The following LRRC28 variants were observed in gnomAD, a reference collection of about 807,000 sequenced individuals.
LRRC28 encodes the protein leucine rich repeat containing 28, also known as leucine-rich repeat-containing protein 28.
Under a neutral mutation model 45.7 loss-of-function variants are expected in LRRC28, and 39 were observed. The observed-to-expected ratio is 0.85, with a 90% CI of 0.66 to 1.12. The LOEUF is 1.12. Among genes scored for constraint, LRRC28 ranks in the 50% most tolerant of loss-of-function variants. The probability of loss-of-function intolerance (pLI) is 0.00; values close to 1 mark genes in which losing one functional copy is unlikely to be tolerated. For missense variants in LRRC28, 435 were observed against 438.5 expected (o/e 0.99, Z 0.07); for synonymous variants, 206 against 178.8 (o/e 1.15, Z -1.22).
intron 9 of LRRC28, among the ~76,000 whole-genome samples, chr15:99,381,884 C>A (rs1318281739): frequency 6.6e-6 from 1 of 152,248 alleles, no homozygotes; most frequent in Non-Finnish European, 1.5e-5. Context: ...CTGATTGTTC[C>A]TCTGGAAGCT....
intron 6 of LRRC28, among the ~76,000 whole-genome samples, chr15:99,347,470 G>T (rs962338334): frequency 6.6e-6 from 1 of 152,182 alleles, no homozygotes; most frequent in Non-Finnish European, 1.5e-5. Flanking sequence ...GCCTCCCAAA[G>T]TGCTGGGATT....
At position 99,387,103 on chromosome 15, in the gene LRRC28, C is replaced by CA. The variant is rs1159232676; in HGVS notation, c.*1002dup. 2 of 151,620 alleles carry CA rather than the reference C, an allele frequency of 1.3e-5. No individual in the cohort carries two copies. The highest frequency in any genetic ancestry group is 2.4e-5 in the African/African-American group (1 of 41,196). 9.4% of individuals were successfully genotyped at this position (151,620 alleles called of 1,614,324 possible). ...TGAGACGGAGTCTCGCTCTGTCGCC[C>CA]AGGCTGGAGTGCAGTGGCGGGATCT... On this transcript the variant is annotated 3_prime_UTR_variant, in exon 10 of 10. Coordinates refer to ENST00000301981, the MANE Select transcript of LRRC28 (RefSeq NM_144598.5).
rs1218872110 is a variant in LRRC28 at position 99,387,535 on chromosome 15, CAAAAGTCCATAAACA to C, written c.*1434_*1448del. 6 of 152,314 alleles carry C rather than the reference CAAAAGTCCATAAACA, an allele frequency of 3.9e-5. No homozygotes were observed. The highest frequency in any genetic ancestry group is 1.4e-4 in the African/African-American group (6 of 41,566). The allele number at this position is 152,314 out of a possible 1,614,324, so 9.4% of individuals were successfully genotyped here. A position where few individuals can be genotyped will look rare whatever the true frequency, so the allele number is the denominator to read the frequency against. On this transcript the variant is annotated 3_prime_UTR_variant, in exon 10 of 10. Transcript: ENST00000301981. ...GTCCAAATTCAGCCTTCGACTTCTG[CAAAAGTCCATAAACA>C]GAAAGTCTGTGAGCCTCCACCCTGC...
intron 5 of LRRC28, among the ~76,000 whole-genome samples, chr15:99,312,775 T>C (rs981206053): frequency 6.6e-6 from 1 of 152,166 alleles, no homozygotes; most frequent in African/African-American, 2.4e-5. Context: ...TACATTATAA[T>C]TGTATGGGAC....
chr15:99,282,565 C>T (rs979633524), intron 3 of LRRC28, among the ~76,000 whole-genome samples: 6 of 152,096 alleles, frequency 3.9e-5, no homozygotes, highest in African/African-American at 9.7e-5. Context: ...ACAAATACAT[C>T]GTGTATCAGT....
In LRRC28 at chr15:99,387,006, T is replaced by G. The variant is rs1206524754; in HGVS notation, c.*904T>G. ...GATGGGTTTATGATTCAGTTTATAC[T>G]GACTTTGAAATATTTTTGTCACATG... is the stretch of plus-strand genomic sequence containing the variant. On this transcript the variant is annotated 3_prime_UTR_variant, in exon 10 of 10. Transcript: ENST00000301981. 1 of 152,180 alleles carries G rather than the reference T, an allele frequency of 6.6e-6. No individual in the cohort carries two copies. Among genetic ancestry groups the G allele is most frequent in the Non-Finnish European group, 1.5e-5 (1 of 68,030 alleles). The allele number at this position is 152,180 out of a possible 1,614,324, so 9.4% of individuals were successfully genotyped here.
At chr15:99,307,741 C>A (rs1955239684) in intron 5 of LRRC28, among the ~76,000 whole-genome samples, 1 of 152,144 alleles carries the variant, frequency 6.6e-6, no homozygotes, top group Non-Finnish European at 1.5e-5. Flanking sequence ...TCCTGACTTC[C>A]AACACTCATC....
intron 6 of LRRC28, among the ~76,000 whole-genome samples, chr15:99,339,768 T>G (rs1226963104): frequency 1.3e-5 from 2 of 150,894 alleles, no homozygotes; most frequent in Admixed American, 6.6e-5. Context: ...GCACAGGACA[T>G]TGAGATTTAC....
chr15:99,354,994 G>T (rs189620473), intron 7 of LRRC28, among the ~76,000 whole-genome samples: 1 of 152,156 alleles, frequency 6.6e-6, no homozygotes, highest in African/African-American at 2.4e-5. Context: ...AGATATATAC[G>T]TATTTATCTC....
chr15:99,382,055 AG>A (rs1006879502), intron 9 of LRRC28, among the ~76,000 whole-genome samples: 1 of 152,202 alleles, frequency 6.6e-6, no homozygotes, highest in Non-Finnish European at 1.5e-5. Flanking sequence ...CTCACTTCAA[AG>A]CTGTCAGACA....
In LRRC28 at chr15:99,389,624, C is replaced by G. The variant is rs1958125772; in HGVS notation, c.*3522C>G. 6.6e-6 allele frequency: 1 copy of G among 152,164 alleles called. No homozygotes were observed. Among genetic ancestry groups the G allele is most frequent in the African/African-American group, 2.4e-5 (1 of 41,436 alleles). 9.4% of individuals were successfully genotyped at this position (152,164 alleles called of 1,614,324 possible). On this transcript the variant is annotated 3_prime_UTR_variant, in exon 10 of 10. Transcript: ENST00000301981. ...TTTCACAGACTCATAAACACACTCT[C>G]TTTAAGACTCTTCTTTAAATGGATC...
chr15:99,314,551 C>T (rs1955527884), intron 5 of LRRC28, among the ~76,000 whole-genome samples: 1 of 152,180 alleles, frequency 6.6e-6, no homozygotes, highest in Non-Finnish European at 1.5e-5. Context: ...TTTATCATCT[C>T]TGATTCTCTG....
chr15:99,347,310 C>T (rs908315057), intron 6 of LRRC28, among the ~76,000 whole-genome samples: 3 of 151,878 alleles, frequency 2.0e-5, no homozygotes, highest in Non-Finnish European at 4.4e-5. Flanking sequence ...CCCGGGTTCA[C>T]GCCCTTCTCT....
At chr15:99,288,572 G>A (rs1377810020) in intron 5 of LRRC28, among the ~76,000 whole-genome samples, 2 of 151,798 alleles carry the variant, frequency 1.3e-5, no homozygotes, top group Non-Finnish European at 2.9e-5. Context: ...GGTAGAGATA[G>A]GGTTTCACCA....
chr15:99,352,154 A>G (rs928124752), intron 6 of LRRC28, among the ~76,000 whole-genome samples: 2 of 152,162 alleles, frequency 1.3e-5, no homozygotes, highest in African/African-American at 2.4e-5. Context: ...AGGTTTAGGA[A>G]CCTGACTAAA....
intron 5 of LRRC28, among the ~76,000 whole-genome samples, chr15:99,306,980 G>A (rs1036705335): frequency 1.3e-5 from 2 of 152,186 alleles, no homozygotes; most frequent in Non-Finnish European, 2.9e-5. Context: ...GGATTAGCCT[G>A]CTGCTTTTCT....
Position 99,380,214 on chromosome 15 carries a change from G to A in LRRC28, c.1032-5816G>A, listed in dbSNP as rs145782616. Reference sequence around the variant, plus strand: ...TGTAAGTACTTGCTTTATGAATCTGGGTGCTCCTGTTGTGGGTGCATATAT... The same window carrying A: ...TGTAAGTACTTGCTTTATGAATCTGAGTGCTCCTGTTGTGGGTGCATATAT... On this transcript the variant is annotated intron_variant, in intron 9 of 9. Transcript: ENST00000301981. 4.9e-3 allele frequency among the ~76,000 whole-genome samples: 747 copies of A among 152,232 alleles called. 10 individuals are homozygous for A. The highest frequency in any genetic ancestry group is 0.017 in the African/African-American group (707 of 41,542).
In LRRC28 at chr15:99,386,894, A is replaced by G. The variant is rs985324172; in HGVS notation, c.*792A>G. 1.2e-4 allele frequency: 19 copies of G among 152,018 alleles called. No individual in the cohort carries two copies. The highest frequency in any genetic ancestry group is 2.4e-4 in the Non-Finnish European group (16 of 67,994). 9.4% of individuals were successfully genotyped at this position (152,018 alleles called of 1,614,324 possible). ...AATATTTGAAGCTTTACAAGATCTG[A>G]TTTTTTTCTTTCTCAATATAAAGTT... On this transcript the variant is annotated 3_prime_UTR_variant, in exon 10 of 10. Transcript: ENST00000301981.
chr15:99,316,382 A>G (rs1273422399), intron 5 of LRRC28, among the ~76,000 whole-genome samples: 2 of 152,158 alleles, frequency 1.3e-5, no homozygotes, highest in African/African-American at 2.4e-5. Flanking sequence ...CTAGCATTCT[A>G]TCTGGCCCTT....
Sources: allele counts gnomAD v4.1 joint callset (sites outside exome capture counted in the v4.1 genomes callset), GRCh38; gene constraint gnomAD v4.1.1; transcripts MANE v1.5; gene names NCBI Gene and HGNC (gene_info 2026-07-23, HGNC 2026-07-21).